The following ZNF260 variants were observed in gnomAD, a reference collection of about 807,000 sequenced individuals.
ZNF260 encodes zfp-260.
ZNF260 carries 21 observed loss-of-function variants against 29.3 expected under a neutral mutation model. The ratio of observed to expected loss-of-function variants is 0.72; its 90% CI spans 0.51 to 1.03. ZNF260 has a LOEUF of 1.03. ZNF260 is among the 50% of genes least tolerant of loss of function. ZNF260 has a pLI of 0.00. For missense variants in ZNF260, 465 were observed against 487.8 expected, an observed-to-expected ratio of 0.95 and a Z score of 0.44; for synonymous variants, 156 against 156.8, an observed-to-expected ratio of 0.99 and a Z score of 0.04.
At position 36,512,062 on chromosome 19, in the gene ZNF260, A is replaced by C. The variant is rs1006095223; in HGVS notation, c.*1938T>G. 3.9e-5 allele frequency: 6 copies of C among 152,214 alleles called. No homozygotes were observed. The highest frequency in any genetic ancestry group is 1.4e-4 in the African/African-American group (6 of 41,456). The allele number at this position is 152,214 out of a possible 1,614,324, so 9.4% of individuals were successfully genotyped here. On this transcript the variant is annotated 3_prime_UTR_variant, in exon 3 of 3. Transcript: ENST00000523638. ...GTCTGTGCATATATTATTTAATAAT[A>C]TGATCCTTAAATGTATGTGATCCAA...
Position 36,512,469 on chromosome 19 carries a change from A to T in ZNF260, c.*1531T>A, listed in dbSNP as rs1203463949. The T allele has an allele frequency of 6.6e-6, 1 of 152,190 alleles. No homozygotes were observed. The highest frequency in any genetic ancestry group is 1.5e-5 in the Non-Finnish European group (1 of 68,016). The allele number at this position is 152,190 out of a possible 1,614,324, so 9.4% of individuals were successfully genotyped here. ...TAATAAGAAATAGATACAAAATTGA[A>T]GTATCCTTTAACTACCATGCTTGGT... On this transcript the variant is annotated 3_prime_UTR_variant, in exon 3 of 3. Transcript: ENST00000523638.
intron 2 of ZNF260, chr19:36,517,276 T>C (rs1410972287): frequency 6.6e-6 from 1 of 152,400 alleles, no homozygotes. Flanking sequence ...ACACCTGTAG[T>C]CTTAGTTACT....
In ZNF260 at chr19:36,512,139, G is replaced by A. The variant is rs760402360; in HGVS notation, c.*1861C>T. The A allele has an allele frequency of 2.6e-5, 4 of 151,892 alleles. No individual in the cohort carries two copies. The highest frequency in any genetic ancestry group is 5.9e-5 in the Non-Finnish European group (4 of 67,996). The allele number at this position is 151,892 out of a possible 1,614,324, so 9.4% of individuals were successfully genotyped here. A position where few individuals can be genotyped will look rare whatever the true frequency, so the allele number is the denominator to read the frequency against. ...AAGACTATATACAGATTAGAACTAC[G>A]TACAGATTATGTAAAATTTACTCTT... On this transcript the variant is annotated 3_prime_UTR_variant, in exon 3 of 3. Coordinates refer to ENST00000523638, the MANE Select transcript of ZNF260 (RefSeq NM_001166037.2).
At position 36,512,664 on chromosome 19, in the gene ZNF260, CA is replaced by C. The variant is rs1376864554; in HGVS notation, c.*1335del. The C allele has an allele frequency of 6.6e-6, 1 of 152,106 alleles. No individual in the cohort carries two copies. The highest frequency in any genetic ancestry group is 1.5e-5 in the Non-Finnish European group (1 of 68,020). 9.4% of individuals were successfully genotyped at this position (152,106 alleles called of 1,614,324 possible). Reference sequence around the variant, plus strand: ...ATTTTATTCAAATTCACAGAAGCATCATTACAATATGTTCATCATTTTTCTT... The same window carrying C: ...ATTTTATTCAAATTCACAGAAGCATCTTACAATATGTTCATCATTTTTCTT... On this transcript the variant is annotated 3_prime_UTR_variant, in exon 3 of 3. Transcript: ENST00000523638.
At position 36,511,215 on chromosome 19, in the gene ZNF260, C is replaced by CCATTTTCATT. The variant is rs1374434730; in HGVS notation, c.*2784_*2785insAATGAAAATG. ...AGTCTAAGGTTTTAATGCTGTATAC[C>CCATTTTCATT]CATTTTCATAATCATTCAAAAACAT... On this transcript the variant is annotated 3_prime_UTR_variant, in exon 3 of 3. Transcript: ENST00000523638. 1 of 151,992 alleles carries CCATTTTCATT rather than the reference C, an allele frequency of 6.6e-6. No individual in the cohort carries two copies. Among genetic ancestry groups the CCATTTTCATT allele is most frequent in the Non-Finnish European group, 1.5e-5 (1 of 68,004 alleles). The allele number at this position is 151,992 out of a possible 1,614,324, so 9.4% of individuals were successfully genotyped here.
intron 2 of ZNF260, chr19:36,518,143 T>G (rs1285375512): frequency 6.6e-6 from 1 of 152,090 alleles, no homozygotes; most frequent in Non-Finnish European, 1.5e-5. Flanking sequence ...AGAATTATTT[T>G]CTGAAAAAAT....
At chr19:36,527,919 G>A (rs539416606) in intron 1 of ZNF260, among the ~76,000 whole-genome samples, 28 of 151,898 alleles carry the variant, frequency 1.8e-4, no homozygotes, top group African/African-American at 3.1e-4. Flanking sequence ...AGAAAAGTGA[G>A]GCTTAGAGGT....
At chr19:36,516,877 C>T (rs1568551924) in intron 2 of ZNF260, among the ~76,000 whole-genome samples, 1 of 152,066 alleles carries the variant, frequency 6.6e-6, no homozygotes, top group Admixed American at 6.5e-5. Context: ...TGCGCCCGGC[C>T]GACTTGGTCT....
At chr19:36,518,272 CAAATT>C (rs1568552496) in intron 2 of ZNF260, 1 of 152,124 alleles carries the variant, frequency 6.6e-6, no homozygotes, top group Non-Finnish European at 1.5e-5. Context: ...CTTACATACA[CAAATT>C]AATATAGAGC....
intron 2 of ZNF260, among the ~76,000 whole-genome samples, chr19:36,523,416 T>C (rs2034677393): frequency 6.6e-6 from 1 of 152,158 alleles, no homozygotes; most frequent in South Asian, 2.1e-4. Flanking sequence ...AAAGCCTTTT[T>C]GTATCCTCAT....
chr19:36,520,814 C>T (rs2034632255), intron 2 of ZNF260, among the ~76,000 whole-genome samples: 1 of 148,632 alleles, frequency 6.7e-6, no homozygotes, highest in Non-Finnish European at 1.5e-5. Context: ...GAGCTGAGAT[C>T]GCCCCACTGC....
chr19:36,521,952 G>A (rs1254664966), intron 2 of ZNF260, among the ~76,000 whole-genome samples: 1 of 151,908 alleles, frequency 6.6e-6, no homozygotes, highest in Non-Finnish European at 1.5e-5. Flanking sequence ...GGGAGGATGA[G>A]GCAGCAGAAT....
rs988763653 is a variant in ZNF260, at chr19:36,522,404, C to T, written c.-462+2751G>A. ...CTGGGAGATGGAGGTTGTAGTGAGC[C>T]GAGATCACACCATTGCACTCTGGCC... On this transcript the variant is annotated intron_variant, in intron 2 of 2. Coordinates refer to ENST00000523638, the MANE Select transcript of ZNF260 (RefSeq NM_001166037.2). Among the ~76,000 whole-genome samples, 3 of 151,282 alleles carry T rather than the reference C, an allele frequency of 2.0e-5. No individual in the cohort carries two copies. In the East Asian group the frequency reaches 5.8e-4, roughly 29 times the overall value.
At chr19:36,524,859 A>T (rs1189675040) in intron 2 of ZNF260, among the ~76,000 whole-genome samples, 2 of 152,180 alleles carry the variant, frequency 1.3e-5, no homozygotes, top group Non-Finnish European at 2.9e-5. Context: ...CTGTAAAAAA[A>T]TCATAAAATT....
chr19:36,514,381 C>G lies in ZNF260; in HGVS notation c.858G>C (p.Arg286Ser). The change falls in exon 3 of 3, where the codon AGG (arginine) becomes AGC (serine). Residue 286 changes from arginine to serine, a missense_variant. By Grantham distance (110) the Arg-to-Ser change is moderately radical (BLOSUM62 -1). Coordinates refer to ENST00000523638, the MANE Select transcript of ZNF260 (RefSeq NM_001166037.2). ...YKCNECGTIF[R>S]QKQYLIKHHN... is the part of the protein sequence containing the mutation. Reference sequence around the variant, plus strand: ...GATGTTTAATGAGGTATTGCTTCTGCCTGAAGATTGTTCCACATTCATTAC... The same window carrying G: ...GATGTTTAATGAGGTATTGCTTCTGGCTGAAGATTGTTCCACATTCATTAC... 6.2e-7 allele frequency: 1 copy of G among 1,613,256 alleles called. No homozygotes were observed. The highest frequency in any genetic ancestry group is 1.7e-4 in the Middle Eastern group (1 of 6,056).
intron 1 of ZNF260, among the ~76,000 whole-genome samples, chr19:36,527,805 G>A (rs1281271098): frequency 1.3e-5 from 2 of 152,064 alleles, no homozygotes; most frequent in African/African-American, 4.8e-5. Context: ...CAATAGGTCT[G>A]CTTTTATATA....
rs2034522234 is a variant in ZNF260, at chr19:36,514,928, T to C, written c.311A>G (p.His104Arg). The C allele has an allele frequency of 2.5e-6, 4 of 1,613,968 alleles. No homozygotes were observed. In the East Asian group the frequency reaches 8.9e-5, roughly 36 times the overall value. ...QKENFLSHQK[H>R]HTGEKPYECE... Reference sequence around the variant, plus strand: ...TTCATAAGGTTTCTCTCCAGTGTGATGTTTCTGATGAGAAAGGAAGTTTTC... The same window carrying C: ...TTCATAAGGTTTCTCTCCAGTGTGACGTTTCTGATGAGAAAGGAAGTTTTC... The change falls in exon 3 of 3, where the codon CAT becomes CGT. Residue 104 changes from histidine (H) to arginine (R), a missense_variant. Physicochemically the swap from His to Arg is conservative, Grantham distance 29. Transcript: ENST00000523638.
chr19:36,527,463 T>A (rs953320842), intron 1 of ZNF260, among the ~76,000 whole-genome samples: 3 of 152,196 alleles, frequency 2.0e-5, no homozygotes, highest in Non-Finnish European at 2.9e-5. Flanking sequence ...AGAAAAGAAT[T>A]TCCCCTATAT....
Position 36,514,319 on chromosome 19 carries a change from T to C in ZNF260, c.920A>G (p.Asn307Ser), listed in dbSNP as rs1483717992. 1.2e-6 allele frequency: 2 copies of C among 1,614,038 alleles called. No homozygotes were observed. Among genetic ancestry groups the C allele is most frequent in the African/African-American group, 2.7e-5 (2 of 74,942 alleles). Residue 307 changes from asparagine (N) to serine (S), a missense_variant, in exon 3 of 3, where the codon AAT becomes AGT. By Grantham distance (46) the Asn-to-Ser change is conservative. Coordinates refer to ENST00000523638, the MANE Select transcript of ZNF260 (RefSeq NM_001166037.2). ...TCGAGAGAAGGCTTTTCCACATTTA[T>C]TACATTCATAGGGTTTCTCTCCTGT... ...IHTGEKPYECNKCGKAFSRIT... is the reference protein window; with the variant it reads ...IHTGEKPYECSKCGKAFSRIT...
Sources: allele counts gnomAD v4.1 joint callset (sites outside exome capture counted in the v4.1 genomes callset), GRCh38; gene constraint gnomAD v4.1.1; transcripts MANE v1.5; gene names NCBI Gene and HGNC (gene_info 2026-07-23, HGNC 2026-07-21).